The following MVB12B variants were observed in gnomAD, a reference collection of about 807,000 sequenced individuals.
MVB12B encodes multivesicular body subunit 12B.
MVB12B carries 16 observed loss-of-function variants against 41.6 expected under a neutral mutation model. The observed-to-expected ratio is 0.38, with a 90% confidence interval of 0.26 to 0.58. MVB12B has a LOEUF of 0.58. Ranked by LOEUF, MVB12B falls within the 20% of genes least tolerant of loss-of-function variation. The probability of loss-of-function intolerance (pLI) is 0.62; values close to 1 mark genes in which losing one functional copy is unlikely to be tolerated. For missense variants in MVB12B, 274 were observed against 380.2 expected (o/e 0.72, Z 2.32); for synonymous variants, 133 against 139.7 (o/e 0.95, Z 0.34).
rs543271620 is a variant in MVB12B, at chr9:126,376,978, C to T, written c.205-4086C>T. Among the ~76,000 whole-genome samples, 62 of 151,778 alleles carry T rather than the reference C, an allele frequency of 4.1e-4. No homozygotes were observed. The highest frequency in any genetic ancestry group is 3.4e-3 in the Middle Eastern group (1 of 294). ...GGGCTCTGCTCAGTATCGGCTGCCA[C>T]GGGCCCCTTAGGTCACAACCCGCCC... On this transcript the variant is annotated intron_variant, in intron 2 of 9. Transcript: ENST00000361171. The surrounding 1 kb of genome is among the most constrained non-coding windows in gnomAD (Gnocchi z 4.1).
rs975704781 is a variant in MVB12B at position 126,468,732 on chromosome 9, G to A, written c.758-12637G>A. On this transcript the variant is annotated intron_variant, in intron 7 of 9. Transcript: ENST00000361171. The surrounding 1 kb of genome is among the most constrained non-coding windows in gnomAD (Gnocchi z 4.3). ...TTCTCCTCTCCATAGCCAGGGAGACGCTGTTAAAACCTAAATCTCCCCATC... is the reference window on the plus strand; with the variant it reads ...TTCTCCTCTCCATAGCCAGGGAGACACTGTTAAAACCTAAATCTCCCCATC... 3.3e-5 allele frequency among the ~76,000 whole-genome samples: 5 copies of A among 152,178 alleles called. No individual in the cohort carries two copies. Among genetic ancestry groups the A allele is most frequent in the African/African-American group, 1.2e-4 (5 of 41,436 alleles).
intron 4 of MVB12B, among the ~76,000 whole-genome samples, chr9:126,390,612 C>T (rs1025481558): frequency 5.9e-5 from 9 of 152,052 alleles, no homozygotes; most frequent in African/African-American, 2.2e-4. Flanking sequence ...TCAGGGAGAC[C>T]AAATAGTTGA....
intron 7 of MVB12B, among the ~76,000 whole-genome samples, chr9:126,456,271 T>G (rs1832984673): frequency 6.6e-6 from 1 of 152,348 alleles, no homozygotes; most frequent in Middle Eastern, 3.4e-3. Context: ...CTCCAAGATA[T>G]TCCCAAATCT....
intron 9 of MVB12B, among the ~76,000 whole-genome samples, chr9:126,497,949 A>G (rs1447003795): frequency 1.3e-5 from 2 of 152,172 alleles, no homozygotes; most frequent in Non-Finnish European, 2.9e-5. Context: ...ATGGCTCAGA[A>G]AGCAGCGGGC....
intron 6 of MVB12B, among the ~76,000 whole-genome samples, chr9:126,407,395 T>C (rs1050176396): frequency 6.6e-6 from 1 of 152,188 alleles, no homozygotes; most frequent in Non-Finnish European, 1.5e-5. Flanking sequence ...GAGCTCTGTG[T>C]GCTGGCCGGC....
intron 7 of MVB12B, among the ~76,000 whole-genome samples, chr9:126,444,791 T>C (rs1453546259): frequency 6.6e-6 from 1 of 152,214 alleles, no homozygotes; most frequent in Non-Finnish European, 1.5e-5. Flanking sequence ...TCTATGTTTT[T>C]CCAAATTATT....
intron 6 of MVB12B, among the ~76,000 whole-genome samples, chr9:126,419,902 A>G (rs902768481): frequency 1.3e-5 from 2 of 152,186 alleles, no homozygotes; most frequent in African/African-American, 4.8e-5. Flanking sequence ...CATTAATGCC[A>G]TGATGGGGGT....
intron 7 of MVB12B, among the ~76,000 whole-genome samples, chr9:126,423,859 C>T (rs1832095448): frequency 6.6e-6 from 1 of 152,216 alleles, no homozygotes; most frequent in East Asian, 1.9e-4. Flanking sequence ...TGGCCTATCT[C>T]AGTTTGGTAT....
chr9:126,490,325 C>T (rs1200634976), intron 9 of MVB12B, among the ~76,000 whole-genome samples: 2 of 152,184 alleles, frequency 1.3e-5, no homozygotes, highest in African/African-American at 4.8e-5. Context: ...CTCACCATCC[C>T]GGTCAGGAGG....
At chr9:126,420,402 G>A in intron 6 of MVB12B, among the ~76,000 whole-genome samples, 1 of 152,130 alleles carries the variant, frequency 6.6e-6, no homozygotes, top group African/African-American at 2.4e-5. Context: ...CTGGGCTGTG[G>A]CTGAGTGTCC....
intron 6 of MVB12B, among the ~76,000 whole-genome samples, chr9:126,400,145 T>G (rs1356874755): frequency 6.6e-6 from 1 of 152,154 alleles, no homozygotes; most frequent in Non-Finnish European, 1.5e-5. Context: ...GTGTCAAGTT[T>G]GAGGAATCCA....
chr9:126,347,863 A>G (rs1285507235), intron 2 of MVB12B, among the ~76,000 whole-genome samples: 2 of 152,254 alleles, frequency 1.3e-5, no homozygotes, highest in South Asian at 2.1e-4. Context: ...ATTTTCAGAA[A>G]GCCGAAGCTG....
chr9:126,339,678 A>G (rs1164928172), intron 1 of MVB12B, among the ~76,000 whole-genome samples: 1 of 152,206 alleles, frequency 6.6e-6, no homozygotes, highest in Non-Finnish European at 1.5e-5. Flanking sequence ...AGGGTAAAAC[A>G]CAACAAAGGG....
rs938314196 is a variant in MVB12B at position 126,369,625 on chromosome 9, A to G, written c.205-11439A>G. Among the ~76,000 whole-genome samples, 8 of 151,664 alleles carry G rather than the reference A, an allele frequency of 5.3e-5. No homozygotes were observed. The South Asian group carries it at 1.0e-3, about 20-fold the overall frequency. On this transcript the variant is annotated intron_variant, in intron 2 of 9. Coordinates refer to ENST00000361171, the MANE Select transcript of MVB12B (RefSeq NM_033446.3). Reference sequence around the variant, plus strand: ...CCTACATGGGATATACGTCACACTTATATGTATTTTTCACGTGGGTTTTTT... The same window carrying G: ...CCTACATGGGATATACGTCACACTTGTATGTATTTTTCACGTGGGTTTTTT...
chr9:126,477,147 C>T (rs1310767081), intron 7 of MVB12B, among the ~76,000 whole-genome samples: 1 of 151,956 alleles, frequency 6.6e-6, no homozygotes, highest in Non-Finnish European at 1.5e-5. Context: ...GGGGAACAGG[C>T]GTATCACATG....
chr9:126,406,647 A>G (rs139457447), intron 6 of MVB12B, among the ~76,000 whole-genome samples: 2 of 152,368 alleles, frequency 1.3e-5, no homozygotes, highest in East Asian at 3.9e-4. Context: ...AGATTAGACT[A>G]GATCATCTGG....
intron 7 of MVB12B, among the ~76,000 whole-genome samples, chr9:126,429,383 C>T (rs1049930590): frequency 1.3e-5 from 2 of 152,208 alleles, no homozygotes; most frequent in Non-Finnish European, 2.9e-5. Context: ...TTGCTCCGTA[C>T]ACAACCATGT....
intron 7 of MVB12B, among the ~76,000 whole-genome samples, chr9:126,444,140 T>C (rs1461676837): frequency 6.6e-6 from 1 of 152,266 alleles, no homozygotes; most frequent in Non-Finnish European, 1.5e-5. Flanking sequence ...CTCCCTCTTA[T>C]GGATACAATG....
rs1437330225 is a variant in MVB12B, at chr9:126,505,853, G to T, written c.*2590G>T. On this transcript the variant is annotated 3_prime_UTR_variant, in exon 10 of 10. Coordinates refer to ENST00000361171, the MANE Select transcript of MVB12B (RefSeq NM_033446.3). The stretch of plus-strand genomic sequence containing the variant: ...TGGCCACTGTGGGAGGGAAGGACAA[G>T]GGTTCCCTTGGAAATGTGAAGGGTC... 1 of 152,174 alleles carries T rather than the reference G, an allele frequency of 6.6e-6. No homozygotes were observed. Among genetic ancestry groups the T allele is most frequent in the Non-Finnish European group, 1.5e-5 (1 of 68,046 alleles). The allele number at this position is 152,174 out of a possible 1,614,324, so 9.4% of individuals were successfully genotyped here.
Sources: gnomAD v4.1 joint callset for allele counts (sites outside exome capture counted in the v4.1 genomes callset) on GRCh38, gnomAD v4.1.1 for gene constraint, Gnocchi (gnomAD v3.1) non-coding constraint, MANE v1.5 for transcripts, NCBI Gene and HGNC (gene_info 2026-07-23, HGNC 2026-07-21) for gene names.